The following PEPD variants were observed in gnomAD, a reference collection of about 807,000 sequenced individuals.
The protein encoded by PEPD is peptidase D.
Under a neutral mutation model 60.7 loss-of-function variants are expected in PEPD, and 53 were observed. The observed-to-expected ratio is 0.87, with a 90% confidence interval of 0.70 to 1.10. The LOEUF is 1.10. Among genes scored for constraint, PEPD ranks in the 50% least tolerant of loss-of-function variants. The pLI, the probability that PEPD is intolerant of heterozygous loss-of-function variation, is 0.00. For missense variants in PEPD, 711 were observed against 711.9 expected (o/e 1.00, Z 0.01); for synonymous variants, 267 against 284.1 (o/e 0.94, Z 0.60).
chr19:33,485,491 TAAAA>T (rs908651690), intron 6 of PEPD, among the ~76,000 whole-genome samples: 1 of 110,962 alleles, frequency 9.0e-6, no homozygotes, highest in Non-Finnish European at 1.8e-5. Context: ...AGACTCTGTC[TAAAA>T]AAAAAAAAAA....
intron 9 of PEPD, among the ~76,000 whole-genome samples, chr19:33,449,790 G>A (rs534752181): frequency 7.2e-5 from 11 of 152,258 alleles, no homozygotes; most frequent in Non-Finnish European, 1.2e-4. Context: ...CGATCCCAGC[G>A]GGTGCCACGT....
Position 33,418,740 on chromosome 19 carries a change from G to A in PEPD, c.672-5097C>T, listed in dbSNP as rs148045608. 6.4e-4 allele frequency among the ~76,000 whole-genome samples: 97 copies of A among 152,246 alleles called. No homozygotes were observed. The Middle Eastern group carries it at 0.014, about 21-fold the overall frequency. On this transcript the variant is annotated intron_variant, in intron 9 of 14. Transcript: ENST00000244137. ...TGGCAGTGAACTGGGGGACTGCTGC[G>A]TGCCTCCCCTTCCCCAGGCCCCAGC...
At chr19:33,445,559 G>A (rs529914680) in intron 9 of PEPD, among the ~76,000 whole-genome samples, 7 of 152,308 alleles carry the variant, frequency 4.6e-5, no homozygotes, top group South Asian at 2.1e-4. Context: ...GCAAGAAGGC[G>A]GCAAGCCCAG....
At chr19:33,444,592 A>T (rs1455677153) in intron 9 of PEPD, among the ~76,000 whole-genome samples, 2 of 146,478 alleles carry the variant, frequency 1.4e-5, no homozygotes. Flanking sequence ...TCACCTCCAA[A>T]CTCACCCTCC....
intron 11 of PEPD, among the ~76,000 whole-genome samples, chr19:33,411,135 G>A (rs1210650259): frequency 1.3e-5 from 2 of 152,182 alleles, no homozygotes; most frequent in Non-Finnish European, 1.5e-5. Context: ...CTGTGAGCAC[G>A]GCACATCGTG....
Position 33,396,324 on chromosome 19 carries a change from C to G in PEPD, c.968-4845G>C, listed in dbSNP as rs992947110. Among the ~76,000 whole-genome samples the G allele has an allele frequency of 2.0e-5, 3 of 152,224 alleles. No homozygotes were observed. In the East Asian group the frequency reaches 5.8e-4, roughly 30 times the overall value. On this transcript the variant is annotated intron_variant, in intron 12 of 14. Transcript: ENST00000244137. ...GGGAGCAAAGCTGGCAGAGGTGCCC[C>G]CTGACCACGGGGCCACAGGAGACAC...
rs762510943 is a variant in PEPD at position 33,387,225 on chromosome 19, A to C, written c.*119T>G. On this transcript the variant is annotated 3_prime_UTR_variant, in exon 15 of 15. Transcript: ENST00000244137. ...ACTGTTTGGTCTGATCAAATGCCGA[A>C]GCTGGGATCTGATTCTGGGTGCCGT... 8.2e-7 allele frequency: 1 copy of C among 1,224,554 alleles called. No homozygotes were observed. The highest frequency in any genetic ancestry group is 1.2e-6 in the Non-Finnish European group (1 of 848,438). The allele number at this position is 1,224,554 out of a possible 1,614,324, so 75.9% of individuals were successfully genotyped here.
intron 7 of PEPD, among the ~76,000 whole-genome samples, chr19:33,469,986 C>T (rs1298127543): frequency 6.6e-6 from 1 of 151,980 alleles, no homozygotes; most frequent in Middle Eastern, 3.2e-3. Context: ...TGCCCTGGAG[C>T]TCAGTGTGCG....
chr19:33,495,255 C>T (rs986927798), intron 4 of PEPD, among the ~76,000 whole-genome samples: 6 of 151,956 alleles, frequency 3.9e-5, no homozygotes, highest in Non-Finnish European at 4.4e-5. Context: ...TGCTTGTAAT[C>T]GCAGCACTTT....
intron 11 of PEPD, among the ~76,000 whole-genome samples, chr19:33,402,541 C>A (rs1026501781): frequency 6.6e-6 from 1 of 152,198 alleles, no homozygotes; most frequent in Non-Finnish European, 1.5e-5. Context: ...TACCCCTCTG[C>A]CCATGGGGAT....
intron 10 of PEPD, among the ~76,000 whole-genome samples, chr19:33,412,496 A>G (rs6510379): frequency 0.11 from 16,806 of 152,170 alleles, 2,132 homozygotes; most frequent in African/African-American, 0.31. Flanking sequence ...CGTCCTGACC[A>G]GGCTGGAGAG....
At chr19:33,436,152 T>C (rs371425300) in intron 9 of PEPD, among the ~76,000 whole-genome samples, 1 of 139,680 alleles carries the variant, frequency 7.2e-6, no homozygotes, top group African/African-American at 2.7e-5. Context: ...AGAAGGAAGA[T>C]GGAGGAAGAG....
At chr19:33,422,807 T>C (rs1204009184) in intron 9 of PEPD, among the ~76,000 whole-genome samples, 1 of 146,240 alleles carries the variant, frequency 6.8e-6, no homozygotes, top group Non-Finnish European at 1.5e-5. Flanking sequence ...TATCCATCCA[T>C]CCATCCTTCT....
intron 5 of PEPD, among the ~76,000 whole-genome samples, chr19:33,491,633 C>T (rs1388279738): frequency 6.6e-6 from 1 of 152,194 alleles, no homozygotes; most frequent in Non-Finnish European, 1.5e-5. Context: ...CTGCTGTGTC[C>T]GGTTTCCACT....
At chr19:33,409,567 C>T (rs1211938808) in intron 11 of PEPD, among the ~76,000 whole-genome samples, 1 of 152,132 alleles carries the variant, frequency 6.6e-6, no homozygotes, top group African/African-American at 2.4e-5. Context: ...CTCAGCTACT[C>T]GGGAGGCTGA....
intron 9 of PEPD, among the ~76,000 whole-genome samples, chr19:33,439,002 A>G (rs1259664256): frequency 6.6e-6 from 1 of 152,228 alleles, no homozygotes; most frequent in Non-Finnish European, 1.5e-5. Context: ...CATAAGAGAC[A>G]GGTGGCGTGC....
intron 9 of PEPD, among the ~76,000 whole-genome samples, chr19:33,452,953 T>C (rs928908499): frequency 3.3e-5 from 5 of 152,152 alleles, no homozygotes; most frequent in Admixed American, 2.6e-4. Flanking sequence ...TCTCAAAATA[T>C]GGCTAAGAGA....
intron 11 of PEPD, among the ~76,000 whole-genome samples, chr19:33,406,753 G>T (rs1467566390): frequency 1.3e-5 from 2 of 152,220 alleles, no homozygotes; most frequent in African/African-American, 4.8e-5. Context: ...CCGCATCCCA[G>T]GCTGCAGGGC....
chr19:33,440,781 C>A (rs1271857239), intron 9 of PEPD, among the ~76,000 whole-genome samples: 1 of 152,240 alleles, frequency 6.6e-6, no homozygotes, highest in African/African-American at 2.4e-5. Context: ...CCCTCTAGAG[C>A]TTCACAGATG....
Sources: allele counts gnomAD v4.1 joint callset (sites outside exome capture counted in the v4.1 genomes callset), GRCh38; gene constraint gnomAD v4.1.1; transcripts MANE v1.5; gene names NCBI Gene and HGNC (gene_info 2026-07-23, HGNC 2026-07-21).